NR3C2: variants seen among roughly 807,000 people sequenced by gnomAD.
The protein encoded by NR3C2 is nuclear receptor subfamily 3 group C member 2.
A neutral mutation model predicts 86.4 loss-of-function variants in NR3C2; 15 were observed. That is an observed-to-expected ratio of 0.17 (90% CI 0.12 to 0.27). The LOEUF is 0.27. Ranked by LOEUF, NR3C2 falls within the 10% of genes least tolerant of loss-of-function variation. The pLI, the probability that NR3C2 is intolerant of heterozygous loss-of-function variation, is 1.00. For missense variants in NR3C2, 960 were observed against 1,195.6 expected, an observed-to-expected ratio of 0.80 and a Z score of 2.91; for synonymous variants, 458 against 450.5, an observed-to-expected ratio of 1.02 and a Z score of -0.21.
intron 3 of NR3C2, among the ~76,000 whole-genome samples, chr4:148,196,535 T>A (rs1455440454): frequency 6.6e-6 from 1 of 152,214 alleles, no homozygotes; most frequent in East Asian, 1.9e-4. Context: ...TGCAAAGTAG[T>A]GAACAGGCTC....
At chr4:148,252,075 T>C (rs2149861490) in intron 3 of NR3C2, among the ~76,000 whole-genome samples, 1 of 152,262 alleles carries the variant, frequency 6.6e-6, no homozygotes, top group Non-Finnish European at 1.5e-5. Context: ...GGACAAGTTA[T>C]TTACTACATG....
chr4:148,321,794 C>T (rs576323888), intron 2 of NR3C2, among the ~76,000 whole-genome samples: 91 of 152,276 alleles, frequency 6.0e-4, no homozygotes, highest in Admixed American at 1.6e-3. Flanking sequence ...GATGGGTTTC[C>T]TGAATACAGC....
At chr4:148,135,447 G>A (rs574753632) in intron 6 of NR3C2, among the ~76,000 whole-genome samples, 2 of 152,278 alleles carry the variant, frequency 1.3e-5, no homozygotes, top group African/African-American at 4.8e-5. Flanking sequence ...GGAGATGGCA[G>A]CCCTTACCAC....
intron 4 of NR3C2, among the ~76,000 whole-genome samples, chr4:148,170,415 C>T (rs1318872936): frequency 1.3e-5 from 2 of 149,684 alleles, no homozygotes; most frequent in African/African-American, 4.9e-5. Flanking sequence ...AAGTCATAAA[C>T]TCAAAAGTGA....
At chr4:148,251,428 T>C (rs932252494) in intron 3 of NR3C2, among the ~76,000 whole-genome samples, 14 of 152,202 alleles carry the variant, frequency 9.2e-5, no homozygotes, top group African/African-American at 3.4e-4. Context: ...ATCACACAAG[T>C]TATATGATCA....
chr4:148,114,842 C>T (rs188771308), intron 7 of NR3C2, among the ~76,000 whole-genome samples: 7 of 152,252 alleles, frequency 4.6e-5, no homozygotes, highest in East Asian at 1.9e-4. Flanking sequence ...TAAAGACATT[C>T]GGGGGAACTG....
chr4:148,303,018 C>T (rs1041019350), intron 2 of NR3C2, among the ~76,000 whole-genome samples: 4 of 152,076 alleles, frequency 2.6e-5, no homozygotes, highest in African/African-American at 9.7e-5. Context: ...AACAGAGTTC[C>T]ATCAAAGCCA....
rs1243009248 is a variant in NR3C2 at position 148,154,818 on chromosome 4, G to A, written c.2098C>T (p.Pro700Ser). 3 of 1,584,582 alleles carry A rather than the reference G, an allele frequency of 1.9e-6. No homozygotes were observed. Among genetic ancestry groups the A allele is most frequent in the Non-Finnish European group, 2.6e-6 (3 of 1,165,194 alleles). ...QQQQPPPPPP[P>S]PQSPEEGTTY... ...GTCCCTTCCTCTGGGCTTTGCGGGG[G>A]TGGGGGTGGGGGTGGGGGCTGCTGC... Residue 700 changes from proline (P) to serine (S), a missense_variant, in exon 5 of 9, where the codon CCC becomes TCC. Pro to Ser is a moderately conservative substitution (Grantham distance 74, BLOSUM62 -1). Transcript: ENST00000358102.
rs72658615 is a variant in NR3C2 at position 148,396,966 on chromosome 4, T to TC, written c.1757+38137dup. On this transcript the variant is annotated intron_variant, in intron 2 of 8. Coordinates refer to ENST00000358102, the MANE Select transcript of NR3C2 (RefSeq NM_000901.5). ...TTAAAGATCTAAGAACCCTTCTTTTTCATGGATTATAAGACTAAGTATTAA... is the reference window on the plus strand; with the variant it reads ...TTAAAGATCTAAGAACCCTTCTTTTTCCATGGATTATAAGACTAAGTATTAA... Among the ~76,000 whole-genome samples, 645 of 152,324 alleles carry TC rather than the reference T, an allele frequency of 4.2e-3. 1 individual carries two copies. Among genetic ancestry groups the TC allele is most frequent in the African/African-American group, 0.015 (617 of 41,566 alleles).
intron 2 of NR3C2, among the ~76,000 whole-genome samples, chr4:148,432,013 TATTAA>T (rs1429671812): frequency 2.0e-5 from 3 of 152,210 alleles, no homozygotes; most frequent in East Asian, 3.9e-4. Flanking sequence ...TTAAAACTAA[TATTAA>T]ATTAGTTTAA....
intron 2 of NR3C2, among the ~76,000 whole-genome samples, chr4:148,328,549 C>G (rs530374138): frequency 4.9e-4 from 75 of 152,258 alleles, no homozygotes; most frequent in African/African-American, 1.7e-3. Flanking sequence ...CAGAGGAGAC[C>G]TCACCATGCC....
intron 2 of NR3C2, among the ~76,000 whole-genome samples, chr4:148,411,933 CTT>C (rs1367906039): frequency 6.6e-6 from 1 of 152,198 alleles, no homozygotes; most frequent in Non-Finnish European, 1.5e-5. Context: ...ACTTATAAAA[CTT>C]AACGCTGCAC....
chr4:148,231,319 A>G (rs1297009255), intron 3 of NR3C2, among the ~76,000 whole-genome samples: 2 of 152,206 alleles, frequency 1.3e-5, no homozygotes, highest in Non-Finnish European at 2.9e-5. Flanking sequence ...TAATATATTC[A>G]TTGTGAAGAT....
intron 6 of NR3C2, among the ~76,000 whole-genome samples, chr4:148,128,763 G>A (rs1184362300): frequency 6.6e-6 from 1 of 152,198 alleles, no homozygotes; most frequent in Non-Finnish European, 1.5e-5. Context: ...TTCCCAAGGT[G>A]TTACCCCTGA....
At chr4:148,157,171 G>T (rs202221354) in intron 4 of NR3C2, among the ~76,000 whole-genome samples, 1 of 103,918 alleles carries the variant, frequency 9.6e-6, no homozygotes, top group Non-Finnish European at 1.8e-5. Context: ...GGGGGGAGGG[G>T]GGAGGGATAG....
intron 2 of NR3C2, among the ~76,000 whole-genome samples, chr4:148,269,650 C>A (rs1412972805): frequency 6.6e-6 from 1 of 151,824 alleles, no homozygotes; most frequent in South Asian, 2.1e-4. Flanking sequence ...AAAACCCCCC[C>A]AAAAAAACAA....
chr4:148,150,846 A>T (rs1453764862), intron 6 of NR3C2, among the ~76,000 whole-genome samples: 1 of 152,236 alleles, frequency 6.6e-6, no homozygotes, highest in African/African-American at 2.4e-5. Context: ...AAAGGAATGG[A>T]ATTCTGATAC....
chr4:148,127,944 TTATC>T (rs780885790), intron 6 of NR3C2, among the ~76,000 whole-genome samples: 1 of 152,214 alleles, frequency 6.6e-6, no homozygotes, highest in Non-Finnish European at 1.5e-5. Flanking sequence ...TAAGTTAAAA[TTATC>T]TAACTTCTCC....
At chr4:148,417,532 T>G (rs576503439) in intron 2 of NR3C2, among the ~76,000 whole-genome samples, 1 of 152,238 alleles carries the variant, frequency 6.6e-6, no homozygotes, top group Non-Finnish European at 1.5e-5. Context: ...TTTATCTTCA[T>G]GCAGTTTTTA....
Sources: allele counts gnomAD v4.1 joint callset (sites outside exome capture counted in the v4.1 genomes callset), GRCh38; gene constraint gnomAD v4.1.1; transcripts MANE v1.5; gene names NCBI Gene and HGNC (gene_info 2026-07-23, HGNC 2026-07-21).